Variants in TMTC3 observed in about 807,000 individuals in gnomAD.
The protein encoded by TMTC3 is transmembrane O-mannosyltransferase targeting cadherins 3, also known as protein O-mannosyl-transferase TMTC3.
Under a neutral mutation model 92.2 loss-of-function variants are expected in TMTC3, and 52 were observed. The ratio of observed to expected loss-of-function variants is 0.56; its 90% CI spans 0.45 to 0.71. The LOEUF (loss-of-function observed/expected upper bound fraction) is 0.71, where lower values mean the gene tolerates loss of function less well. Ranked by LOEUF, TMTC3 falls within the 30% of genes least tolerant of loss-of-function variation. The pLI is 0.00. For synonymous variants in TMTC3, 339 were observed against 363.3 expected, an observed-to-expected ratio of 0.93 and a Z score of 0.76; for missense variants, 896 against 1,057.1, an observed-to-expected ratio of 0.85 and a Z score of 2.11.
chr12:88,176,396 G>T, intron 10 of TMTC3, 77 bp downstream of exon 10: 1 of 1,043,356 alleles, frequency 9.6e-7, no homozygotes, highest in Non-Finnish European at 1.4e-6. Flanking sequence ...AAATAAGGTA[G>T]TTTATTTACT....
intron 1 of TMTC3, among the ~76,000 whole-genome samples, chr12:88,143,327 A>G (rs555663552): frequency 1.3e-5 from 2 of 152,334 alleles, no homozygotes; most frequent in East Asian, 3.9e-4. Context: ...TTTTAAAGAC[A>G]TTAGTTAGAT....
At chr12:88,156,330 C>T (rs2471514) in intron 4 of TMTC3, among the ~76,000 whole-genome samples, 115,661 of 152,098 alleles carry the variant, frequency 0.76, 49,171 homozygotes, top group East Asian at 0.96. Flanking sequence ...TCCTGTGAGT[C>T]TGAAGGGATG....
intron 10 of TMTC3, among the ~76,000 whole-genome samples, chr12:88,185,248 C>T (rs530685277): frequency 6.6e-6 from 1 of 152,236 alleles, no homozygotes; most frequent in South Asian, 2.1e-4. Context: ...CTTTTCACCC[C>T]AGCCTTCTCT....
intron 10 of TMTC3, among the ~76,000 whole-genome samples, chr12:88,178,657 G>A (rs1011574791): frequency 2.0e-5 from 3 of 152,080 alleles, no homozygotes; most frequent in Non-Finnish European, 2.9e-5. Flanking sequence ...GGTCCTATAC[G>A]CAGTCAGCAG....
At chr12:88,192,005 A>G (rs1260552018) in intron 12 of TMTC3, among the ~76,000 whole-genome samples, 4 of 135,136 alleles carry the variant, frequency 3.0e-5, no homozygotes, top group Non-Finnish European at 6.1e-5. Context: ...CACCATGCCC[A>G]GCATTTTTCT....
chr12:88,192,501 A>G (rs1228366491), intron 12 of TMTC3, 103 bp from the exon 13 acceptor site: 16 of 688,038 alleles, frequency 2.3e-5, no homozygotes, highest in African/African-American at 9.8e-5. Flanking sequence ...GAGTTAAGAG[A>G]AAAAAAAGCT....
At chr12:88,179,456 T>C (rs2041293565) in intron 10 of TMTC3, among the ~76,000 whole-genome samples, 1 of 152,212 alleles carries the variant, frequency 6.6e-6, no homozygotes, top group Non-Finnish European at 1.5e-5. Context: ...GTATGGGTTA[T>C]GTTAAATACT....
At chr12:88,159,680 A>T (rs1032185322) in intron 4 of TMTC3, among the ~76,000 whole-genome samples, 1 of 151,166 alleles carries the variant, frequency 6.6e-6, no homozygotes, top group Non-Finnish European at 1.5e-5. Context: ...AAAAAAAAGT[A>T]TAGTACCCTA....
At chr12:88,190,178 T>G (rs1459141361) in intron 11 of TMTC3, among the ~76,000 whole-genome samples, 1 of 152,208 alleles carries the variant, frequency 6.6e-6, no homozygotes, top group African/African-American at 2.4e-5. Flanking sequence ...AATAGTACTT[T>G]GTGGCATTAA....
intron 13 of TMTC3, among the ~76,000 whole-genome samples, chr12:88,194,492 A>G (rs2041485036): frequency 1.3e-5 from 2 of 152,168 alleles, no homozygotes; most frequent in South Asian, 4.1e-4. Flanking sequence ...CAGAATCAAG[A>G]TTGAATACAT....
intron 10 of TMTC3, among the ~76,000 whole-genome samples, chr12:88,177,240 C>T (rs375365326): frequency 3.3e-5 from 5 of 151,610 alleles, no homozygotes; most frequent in Admixed American, 2.6e-4. Context: ...GCACAAGAAT[C>T]GCTGGAACCT....
In TMTC3 at chr12:88,195,009, G is replaced by A. The variant is rs922432054; in HGVS notation, c.2105G>A (p.Arg702Gln). 10 of 1,613,636 alleles carry A rather than the reference G, an allele frequency of 6.2e-6. No homozygotes were observed. The Admixed American group carries it at 8.3e-5, about 13-fold the overall frequency. ...GCCATAAAGTTACAAGCCGACTTCC[G>A]AAGTGCTTTGTTTAATCTGGCTCTC... is the stretch of plus-strand genomic sequence containing the variant. Reference protein sequence around the residue: ...KKAIKLQADFRSALFNLALLY... With the variant: ...KKAIKLQADFQSALFNLALLY... The change falls in exon 14 of 14, where the codon CGA becomes CAA. Residue 702 changes from arginine (R) to glutamine (Q), a missense_variant. Physicochemically the swap from Arg to Gln is conservative, Grantham distance 43. Coordinates refer to ENST00000266712, the MANE Select transcript of TMTC3 (RefSeq NM_181783.4).
rs911001822 is a variant in TMTC3 at position 88,197,517 on chromosome 12, C to T, written c.*1868C>T. The T allele has an allele frequency of 6.6e-6, 1 of 151,842 alleles. No homozygotes were observed. The highest frequency in any genetic ancestry group is 2.4e-5 in the African/African-American group (1 of 41,266). 9.4% of individuals were successfully genotyped at this position (151,842 alleles called of 1,614,324 possible). A position where few individuals can be genotyped will look rare whatever the true frequency, so the allele number is the denominator to read the frequency against. ...GTTTCTGAGTGTGATCTCTCTTTTG[C>T]CATAGTATCAAGTGGAGGGTAGTTC... On this transcript the variant is annotated 3_prime_UTR_variant, in exon 14 of 14. Coordinates refer to ENST00000266712, the MANE Select transcript of TMTC3 (RefSeq NM_181783.4).
At chr12:88,191,943 A>C (rs1372527125) in intron 12 of TMTC3, among the ~76,000 whole-genome samples, 1 of 151,748 alleles carries the variant, frequency 6.6e-6, no homozygotes, top group Non-Finnish European at 1.5e-5. Context: ...TCCTGACCTC[A>C]AGTGATCTGC....
intron 4 of TMTC3, among the ~76,000 whole-genome samples, chr12:88,158,113 A>G (rs1461477595): frequency 1.3e-5 from 2 of 152,184 alleles, no homozygotes. Flanking sequence ...GATTACATCC[A>G]TGTTCTTACT....
At chr12:88,179,557 G>T (rs544255704) in intron 10 of TMTC3, among the ~76,000 whole-genome samples, 1 of 152,208 alleles carries the variant, frequency 6.6e-6, no homozygotes, top group South Asian at 2.1e-4. Flanking sequence ...TTTCACTGGA[G>T]CCAGGAAAGG....
intron 3 of TMTC3, among the ~76,000 whole-genome samples, chr12:88,153,719 T>C (rs2040972603): frequency 6.6e-6 from 1 of 152,086 alleles, no homozygotes; most frequent in African/African-American, 2.4e-5. Context: ...AAATTTAACA[T>C]TTTTGAAACA....
At chr12:88,144,568 A>G (rs1455333774) in intron 1 of TMTC3, among the ~76,000 whole-genome samples, 1 of 152,184 alleles carries the variant, frequency 6.6e-6, no homozygotes, top group Non-Finnish European at 1.5e-5. Context: ...AATTTTTCAG[A>G]AGTGAGAACA....
intron 10 of TMTC3, among the ~76,000 whole-genome samples, chr12:88,180,121 G>C (rs536884245): frequency 6.6e-6 from 1 of 152,266 alleles, no homozygotes; most frequent in Admixed American, 6.5e-5. Context: ...GTTGATTGAA[G>C]AGTACAGATG....
Sources: gnomAD v4.1 joint callset for allele counts (sites outside exome capture counted in the v4.1 genomes callset) on GRCh38, gnomAD v4.1.1 for gene constraint, MANE v1.5 for transcripts, NCBI Gene and HGNC (gene_info 2026-07-23, HGNC 2026-07-21) for gene names.